CAST: variants seen among roughly 807,000 people sequenced by gnomAD.
CAST encodes calpastatin.
A neutral mutation model predicts 119.6 loss-of-function variants in CAST; 76 were observed. The observed-to-expected ratio is 0.64, with a 90% CI of 0.53 to 0.77. CAST has a LOEUF of 0.77. CAST is among the 30% of genes least tolerant of loss of function. The pLI, the probability that CAST is intolerant of heterozygous loss-of-function variation, is 0.00. For missense variants in CAST, 953 were observed against 946.5 expected, an observed-to-expected ratio of 1.01 and a Z score of -0.09; for synonymous variants, 319 against 331.6, an observed-to-expected ratio of 0.96 and a Z score of 0.41.
chr5:96,420,680 T>G, the CAST span, among the ~76,000 whole-genome samples: 1 of 136,346 alleles, frequency 7.3e-6, no homozygotes, highest in Non-Finnish European at 1.5e-5. Context: ...AAGAAAGAAA[T>G]AACTTTAGAT....
At chr5:96,595,349 C>T (rs1747035287) in intron 1 of CAST, among the ~76,000 whole-genome samples, 1 of 152,150 alleles carries the variant, frequency 6.6e-6, no homozygotes, top group Admixed American at 6.5e-5. Context: ...TGGCCTGGGT[C>T]CCCAGATTAT....
the CAST span, among the ~76,000 whole-genome samples, chr5:96,299,347 T>A: frequency 2.0e-5 from 3 of 152,034 alleles, no homozygotes; most frequent in Non-Finnish European, 4.4e-5. Flanking sequence ...TCAAAGGCAA[T>A]GAAGCACCAA....
chr5:96,617,770 C>A (rs1177348507), intron 1 of CAST, among the ~76,000 whole-genome samples: 2 of 95,122 alleles, frequency 2.1e-5, no homozygotes, highest in African/African-American at 4.3e-5. Context: ...CCAGCCTGGG[C>A]AACAGAGCAA....
the CAST span, among the ~76,000 whole-genome samples, chr5:96,443,543 C>T: frequency 6.6e-6 from 1 of 152,152 alleles, no homozygotes; most frequent in South Asian, 2.1e-4. Flanking sequence ...TGTATAGCTT[C>T]AAAGAAAGTA....
the CAST span, among the ~76,000 whole-genome samples, chr5:96,512,597 G>A: frequency 1.3e-5 from 2 of 152,140 alleles, no homozygotes; most frequent in African/African-American, 2.4e-5. Flanking sequence ...GTTAACTAAT[G>A]AAAAACCATC....
At chr5:96,321,645 A>T in the CAST span, among the ~76,000 whole-genome samples, 2 of 152,206 alleles carry the variant, frequency 1.3e-5, no homozygotes. Context: ...TAGGTAAGAA[A>T]ACTGAGTCCC....
the CAST span, among the ~76,000 whole-genome samples, chr5:96,007,108 ATTC>A: frequency 6.6e-6 from 1 of 152,182 alleles, no homozygotes; most frequent in Non-Finnish European, 1.5e-5. Context: ...TTAAGGTCAT[ATTC>A]TTCAATTAAT....
the CAST span, among the ~76,000 whole-genome samples, chr5:96,248,633 C>G: frequency 1.3e-5 from 2 of 152,120 alleles, no homozygotes; most frequent in Non-Finnish European, 2.9e-5. Flanking sequence ...ATGTCAGTAA[C>G]TTTTGTAAAA....
chr5:96,436,802 T>A, the CAST span, among the ~76,000 whole-genome samples: 2 of 152,182 alleles, frequency 1.3e-5, no homozygotes, highest in East Asian at 3.8e-4. Flanking sequence ...AAGACTGATA[T>A]TGGGGTTACC....
chr5:96,550,345 A>G (rs1291171043), intron 1 of CAST, among the ~76,000 whole-genome samples: 1 of 152,224 alleles, frequency 6.6e-6, no homozygotes, highest in Non-Finnish European at 1.5e-5. Context: ...AGGAAAACTA[A>G]CAAACAGAAA....
intron 1 of CAST, among the ~76,000 whole-genome samples, chr5:96,667,898 C>A (rs1261341262): frequency 1.3e-5 from 2 of 152,190 alleles, no homozygotes; most frequent in African/African-American, 4.8e-5. Context: ...GCCTGTAATT[C>A]CAGCTACTCA....
At chr5:96,092,248 G>A in the CAST span, among the ~76,000 whole-genome samples, 8 of 152,004 alleles carry the variant, frequency 5.3e-5, no homozygotes, top group Non-Finnish European at 1.2e-4. Flanking sequence ...CTTGCTTTCT[G>A]TTTTTTATTC....
chr5:96,639,762 T>A (rs1482227867), intron 1 of CAST, among the ~76,000 whole-genome samples: 2 of 152,208 alleles, frequency 1.3e-5, no homozygotes, highest in African/African-American at 2.4e-5. Context: ...ACTCAGTGGG[T>A]AAAACTGAGA....
intron 1 of CAST, among the ~76,000 whole-genome samples, chr5:96,625,200 T>C (rs1747697708): frequency 6.6e-6 from 1 of 152,214 alleles, no homozygotes; most frequent in Non-Finnish European, 1.5e-5. Context: ...AACAAACATC[T>C]GTTTAGGACT....
At chr5:96,107,478 T>G in the CAST span, among the ~76,000 whole-genome samples, 1 of 152,010 alleles carries the variant, frequency 6.6e-6, no homozygotes, top group Non-Finnish European at 1.5e-5. Flanking sequence ...CTCCTTCACT[T>G]ATGAAGCTTA....
chr5:96,470,141 A>G, the CAST span, among the ~76,000 whole-genome samples: 2 of 151,446 alleles, frequency 1.3e-5, no homozygotes, highest in Non-Finnish European at 3.0e-5. Flanking sequence ...CAGATGAAAA[A>G]TTAACTAGGT....
chr5:96,007,082 A>G, the CAST span, among the ~76,000 whole-genome samples: 1 of 152,178 alleles, frequency 6.6e-6, no homozygotes, highest in Non-Finnish European at 1.5e-5. Flanking sequence ...ATTCGTGTGG[A>G]TTTTAAAAGG....
chr5:96,634,083 T>G (rs1049465469), intron 1 of CAST, among the ~76,000 whole-genome samples: 3 of 152,248 alleles, frequency 2.0e-5, no homozygotes, highest in African/African-American at 7.2e-5. Flanking sequence ...AAACCGAGTT[T>G]TATACTGTGT....
chr5:96,504,318 G>A, the CAST span, among the ~76,000 whole-genome samples: 1 of 152,130 alleles, frequency 6.6e-6, no homozygotes, highest in Admixed American at 6.5e-5. Flanking sequence ...TCCCATACAC[G>A]ATGGCAGTTT....
Sources: gnomAD v4.1 joint callset for allele counts (sites outside exome capture counted in the v4.1 genomes callset) on GRCh38, gnomAD v4.1.1 for gene constraint, MANE v1.5 for transcripts, NCBI Gene and HGNC (gene_info 2026-07-23, HGNC 2026-07-21) for gene names.